The following GPHN variants were observed in gnomAD, a reference collection of about 807,000 sequenced individuals.
The protein encoded by GPHN is gephyrin.
GPHN carries 17 observed loss-of-function variants against 95.5 expected under a neutral mutation model. The observed-to-expected ratio is 0.18, with a 90% CI of 0.12 to 0.27. The LOEUF is 0.27. Among genes scored for constraint, GPHN ranks in the 10% least tolerant of loss-of-function variants. GPHN has a pLI of 1.00. For synonymous variants in GPHN, 320 were observed against 322.5 expected (o/e 0.99, Z 0.08); for missense variants, 660 against 978.1 (o/e 0.67, Z 4.34).
At chr14:67,223,613 C>A in the GPHN span, 2 of 575,590 alleles carry the variant, frequency 3.5e-6, no homozygotes, top group Non-Finnish European at 4.4e-6. Flanking sequence ...CTTGTTAAAT[C>A]ACAAGGGTGG....
chr14:67,551,334 G>T, the GPHN span, among the ~76,000 whole-genome samples: 1 of 152,154 alleles, frequency 6.6e-6, no homozygotes, highest in Non-Finnish European at 1.5e-5. Flanking sequence ...TGCCATCTTT[G>T]TATAGGACAA....
chr14:67,715,727 G>C, the GPHN span, among the ~76,000 whole-genome samples: 1 of 152,168 alleles, frequency 6.6e-6, no homozygotes, highest in Non-Finnish European at 1.5e-5. Context: ...TACTCACGAA[G>C]TTGCAAATAA....
intron 4 of GPHN, among the ~76,000 whole-genome samples, chr14:66,854,152 A>C (rs2062704285): frequency 6.6e-6 from 1 of 152,218 alleles, no homozygotes; most frequent in African/African-American, 2.4e-5. Context: ...AAATCAAAGA[A>C]CAAAATAACC....
intron 2 of GPHN, among the ~76,000 whole-genome samples, chr14:66,750,960 A>T (rs1352151001): frequency 6.6e-6 from 1 of 151,914 alleles, no homozygotes; most frequent in Non-Finnish European, 1.5e-5. Context: ...ATCAGAATTA[A>T]TTATGTGTTA....
intron 8 of GPHN, among the ~76,000 whole-genome samples, chr14:66,944,009 C>T (rs531615430): frequency 2.5e-4 from 38 of 151,866 alleles, no homozygotes; most frequent in Admixed American, 7.9e-4. Context: ...GCAAGACAAA[C>T]GGAGAAAAAT....
At chr14:67,325,721 T>C in the GPHN span, among the ~76,000 whole-genome samples, 1 of 152,184 alleles carries the variant, frequency 6.6e-6, no homozygotes, top group African/African-American at 2.4e-5. Flanking sequence ...TGCACACTTA[T>C]TTCTTTTTAG....
chr14:66,746,420 C>T (rs1330338552), intron 2 of GPHN, among the ~76,000 whole-genome samples: 1 of 152,186 alleles, frequency 6.6e-6, no homozygotes, highest in African/African-American at 2.4e-5. Flanking sequence ...GTGGTTCTAA[C>T]CTTGGCTCTA....
intron 9 of GPHN, among the ~76,000 whole-genome samples, chr14:66,969,993 T>A (rs1211262839): frequency 6.6e-6 from 1 of 151,988 alleles, no homozygotes; most frequent in Non-Finnish European, 1.5e-5. Context: ...GAAGTTTGAT[T>A]TTGAGTAAGT....
chr14:66,517,684 G>C (rs1001418102), intron 1 of GPHN, among the ~76,000 whole-genome samples: 3 of 152,108 alleles, frequency 2.0e-5, no homozygotes, highest in African/African-American at 4.8e-5. Flanking sequence ...AGGAACATTT[G>C]CTGATGAAAG....
intron 11 of GPHN, among the ~76,000 whole-genome samples, chr14:67,078,942 C>A (rs1034813221): frequency 3.6e-4 from 55 of 152,012 alleles, no homozygotes; most frequent in African/African-American, 1.3e-3. Flanking sequence ...TAAATCTTTG[C>A]TGACAAGTTG....
chr14:66,893,022 G>A (rs2064606658), intron 5 of GPHN, among the ~76,000 whole-genome samples: 2 of 152,144 alleles, frequency 1.3e-5, no homozygotes, highest in African/African-American at 4.8e-5. Flanking sequence ...CAGTATGACA[G>A]GAGGTATACT....
At chr14:67,402,677 C>T in the GPHN span, among the ~76,000 whole-genome samples, 13,280 of 152,182 alleles carry the variant, frequency 0.087, 1,001 homozygotes, top group African/African-American at 0.19. Context: ...GAACATGTGA[C>T]ATTTGTCTCT....
chr14:66,589,859 C>G (rs562501110), intron 1 of GPHN, among the ~76,000 whole-genome samples: 1 of 152,136 alleles, frequency 6.6e-6, no homozygotes, highest in Non-Finnish European at 1.5e-5. Flanking sequence ...ACTCTCCACC[C>G]GAAACCAACA....
chr14:66,773,582 G>A (rs551749882), intron 2 of GPHN, among the ~76,000 whole-genome samples: 15 of 152,204 alleles, frequency 9.9e-5, no homozygotes, highest in African/African-American at 3.4e-4. Flanking sequence ...TTGAACTCCT[G>A]ACCTCGTGAT....
At chr14:67,604,476 T>C in the GPHN span, among the ~76,000 whole-genome samples, 16 of 152,084 alleles carry the variant, frequency 1.1e-4, no homozygotes, top group African/African-American at 3.9e-4. Flanking sequence ...AGGAAGATCG[T>C]TTGAGCTCAG....
At chr14:66,605,417 T>C (rs2062474205) in intron 1 of GPHN, among the ~76,000 whole-genome samples, 1 of 152,166 alleles carries the variant, frequency 6.6e-6, no homozygotes, top group East Asian at 1.9e-4. Flanking sequence ...TGGTATATTG[T>C]TGTAGTTTTG....
chr14:67,645,867 T>TC, the GPHN span: 193 of 1,566,714 alleles, frequency 1.2e-4, 1 homozygote, highest in Non-Finnish European at 3.2e-5. Flanking sequence ...TTGGTCTAGT[T>TC]CAGTTAAGAT....
intron 5 of GPHN, among the ~76,000 whole-genome samples, chr14:66,909,227 C>T (rs545240451): frequency 6.6e-5 from 10 of 151,984 alleles, no homozygotes; most frequent in South Asian, 6.2e-4. Flanking sequence ...CAAATAATAA[C>T]GGGATATTCT....
At chr14:66,961,902 ATATATATATATATAT>A (rs1022175588) in intron 8 of GPHN, among the ~76,000 whole-genome samples, 4 of 41,768 alleles carry the variant, frequency 9.6e-5, no homozygotes, top group Non-Finnish European at 3.0e-4. Flanking sequence ...CTGAATGTGT[ATATATATATATATAT>A]ATATATATAT....
Sources: allele counts gnomAD v4.1 joint callset (sites outside exome capture counted in the v4.1 genomes callset), GRCh38; gene constraint gnomAD v4.1.1; transcripts MANE v1.5; gene names NCBI Gene and HGNC (gene_info 2026-07-23, HGNC 2026-07-21).